The following FAN1 variants were observed in gnomAD, a reference collection of about 807,000 sequenced individuals.
FAN1 encodes fanconi-associated nuclease 1.
FAN1 carries 91 observed loss-of-function variants against 104.9 expected under a neutral mutation model. The ratio of observed to expected loss-of-function variants is 0.87; its 90% confidence interval spans 0.73 to 1.03. The LOEUF is 1.03. Among genes scored for constraint, FAN1 ranks in the 50% least tolerant of loss-of-function variants. The pLI is 0.00. For missense variants in FAN1, 1,263 were observed against 1,239.9 expected (o/e 1.02, Z -0.28); for synonymous variants, 478 against 457.6 (o/e 1.04, Z -0.57).
rs769166292 is a variant in FAN1 at position 30,941,793 on chromosome 15, T to C, written c.*231T>C. 5.0e-6 allele frequency: 8 copies of C among 1,614,040 alleles called. No homozygotes were observed. The East Asian group carries it at 1.3e-4, about 27-fold the overall frequency. On this transcript the variant is annotated 3_prime_UTR_variant, in exon 15 of 15. Transcript: ENST00000362065. ...AAGGCTGTGATGGAGCCACCCAGGC[T>C]GATCTGGGCCTCGGGAACCCAGCGG...
chr15:30,906,100 C>T (rs966023366), intron 2 of FAN1, among the ~76,000 whole-genome samples: 10 of 151,992 alleles, frequency 6.6e-5, no homozygotes, highest in South Asian at 2.1e-4. Flanking sequence ...GATTTTGTCC[C>T]GGGTGATGTT....
At chr15:30,929,455 G>T in intron 12 of FAN1, 58 bp downstream of exon 12, 1 of 1,376,274 alleles carries the variant, frequency 7.3e-7, no homozygotes, top group Non-Finnish European at 9.9e-7. Flanking sequence ...CCCCAGTGCT[G>T]TCTTTTCAGC....
chr15:30,925,190 CTG>C lies in FAN1; in HGVS notation c.2238_2239del (p.Tyr747SerfsTer13). 3.1e-6 allele frequency: 5 copies of C among 1,614,080 alleles called. No individual in the cohort carries two copies. Among genetic ancestry groups the C allele is most frequent in the Non-Finnish European group, 4.2e-6 (5 of 1,180,018 alleles). On this transcript the variant is annotated frameshift_variant, in exon 9 of 15. Transcript: ENST00000362065. LOFTEE classifies it high-confidence loss of function. ...AGTCAGAACGGGACACCGCCTTTCA[CTG>C]TATCAGCGAGCCGTGCGCCTGCGAG... ...PEVRTGHRLSLYQRAVRLRES... is the reference protein window; with the variant it reads ...PEVRTGHRLSXYQRAVRLRES...
chr15:30,935,766 C>T (rs1230428685), intron 13 of FAN1, among the ~76,000 whole-genome samples: 1 of 152,132 alleles, frequency 6.6e-6, no homozygotes, highest in Admixed American at 6.5e-5. Flanking sequence ...TTTATGTTGA[C>T]AGTTATTTTT....
intron 3 of FAN1, 22 bp downstream of exon 3, chr15:30,908,280 G>T: frequency 6.4e-7 from 1 of 1,552,818 alleles, no homozygotes; most frequent in Non-Finnish European, 8.7e-7. Flanking sequence ...AGAAGGAGAT[G>T]TGAAATGAAA....
intron 13 of FAN1, among the ~76,000 whole-genome samples, chr15:30,932,698 T>C (rs2062744418): frequency 6.7e-6 from 1 of 149,264 alleles, no homozygotes; most frequent in African/African-American, 2.5e-5. Flanking sequence ...CTTAAAGTTG[T>C]TTATATTTGT....
intron 6 of FAN1, among the ~76,000 whole-genome samples, chr15:30,920,324 G>A (rs974635459): frequency 2.6e-5 from 4 of 152,212 alleles, no homozygotes; most frequent in Admixed American, 6.5e-5. Context: ...CCTTGGTTTA[G>A]AATGATGAGT....
Position 30,939,331 on chromosome 15 carries a change from C to T in FAN1, c.*3+2072C>T, listed in dbSNP as rs912719042. The stretch of plus-strand genomic sequence containing the variant: ...GTGCGGCATTCCCTCAGCACGGGCT[C>T]TGCTGGCGGGCAGCAGGGGTGCTGA... On this transcript the variant is annotated intron_variant, in intron 14 of 14. Transcript: ENST00000362065. The T allele has an allele frequency of 1.1e-5, 11 of 985,374 alleles. No homozygotes were observed. In the African/African-American group the frequency reaches 1.9e-4, roughly 17 times the overall value. 61.0% of individuals were successfully genotyped at this position (985,374 alleles called of 1,614,324 possible). A position where few individuals can be genotyped will look rare whatever the true frequency, so the allele number is the denominator to read the frequency against.
At position 30,930,779 on chromosome 15, in the gene FAN1, G is replaced by C. The variant is rs1308680210; in HGVS notation, c.2916+108G>C. The C allele has an allele frequency of 6.4e-6, 9 of 1,401,732 alleles. No homozygotes were observed. The East Asian group carries it at 2.1e-4, about 32-fold the overall frequency. 86.8% of individuals were successfully genotyped at this position (1,401,732 alleles called of 1,614,324 possible). On this transcript the variant is annotated intron_variant, in intron 13 of 14. Transcript: ENST00000362065. The stretch of plus-strand genomic sequence containing the variant: ...GGCTGTTGGCAAGATTGAATTCCTT[G>C]AGAGCTTTTGGGCCGAGGGCCTGGG...
intron 13 of FAN1, among the ~76,000 whole-genome samples, chr15:30,935,408 CT>C (rs2140967424): frequency 6.6e-6 from 1 of 152,206 alleles, no homozygotes; most frequent in East Asian, 1.9e-4. Context: ...GTTTCTGCTT[CT>C]GTAGATGCAA....
At chr15:30,908,405 A>G in intron 3 of FAN1, 147 bp downstream of exon 3, 1 of 610,606 alleles carries the variant, frequency 1.6e-6, no homozygotes, top group Non-Finnish European at 2.7e-6. Context: ...ATCTTAGGAC[A>G]ACAAATTACT....
At chr15:30,904,382 G>C in intron 1 of FAN1, 130 bp from the exon 2 acceptor site, 1 of 529,802 alleles carries the variant, frequency 1.9e-6, no homozygotes, top group Admixed American at 3.3e-5. Flanking sequence ...GGAGGGGCTT[G>C]GTCTTCTGTC....
intron 14 of FAN1, chr15:30,940,112 T>TATC (rs1168074315): frequency 6.1e-6 from 6 of 985,228 alleles, no homozygotes; most frequent in African/African-American, 3.5e-5. Flanking sequence ...AAATTTTCCA[T>TATC]ATCTTAGGAT....
intron 8 of FAN1, among the ~76,000 whole-genome samples, chr15:30,923,664 C>T (rs534737746): frequency 3.9e-4 from 60 of 152,358 alleles, no homozygotes; most frequent in African/African-American, 1.4e-3. Flanking sequence ...CCTCCCTCTC[C>T]GAGGCCAGGC....
chr15:30,931,630 T>G (rs2062712360), intron 13 of FAN1, among the ~76,000 whole-genome samples: 1 of 152,230 alleles, frequency 6.6e-6, no homozygotes, highest in South Asian at 2.1e-4. Flanking sequence ...GGAATTCATT[T>G]GTGGTGTGTG....
In FAN1 at chr15:30,904,973, C is replaced by T. The variant is rs759195513; in HGVS notation, c.310C>T (p.Pro104Ser). The change falls in exon 2 of 15, where the codon CCA (proline) becomes TCA (serine). Residue 104 changes from proline to serine, a missense_variant. Physicochemically the swap from Pro to Ser is moderately conservative, Grantham distance 74 (BLOSUM62 -1). Coordinates refer to ENST00000362065, the MANE Select transcript of FAN1 (RefSeq NM_014967.5). ...LEDVTPKKSP[P>S]PKTNLTPGQS... is the part of the protein sequence containing the mutation. The stretch of plus-strand genomic sequence containing the variant: ...AGATGTAACACCTAAGAAGTCACCA[C>T]CACCAAAGACAAATTTAACCCCTGG... 5.6e-6 allele frequency: 9 copies of T among 1,613,912 alleles called. No homozygotes were observed. The highest frequency in any genetic ancestry group is 1.6e-4 in the Middle Eastern group (1 of 6,062).
At chr15:30,925,436 C>A in intron 9 of FAN1, 145 bp downstream of exon 9, 1 of 809,338 alleles carries the variant, frequency 1.2e-6, no homozygotes, top group African/African-American at 1.7e-5. Flanking sequence ...GCTGTGTGGC[C>A]ATTGCTCCCA....
chr15:30,940,223 T>A, intron 14 of FAN1: 1 of 985,316 alleles, frequency 1.0e-6, no homozygotes, highest in Non-Finnish European at 1.2e-6. Flanking sequence ...GTAAGAAGCT[T>A]CAGCTTTGAC....
chr15:30,933,927 AT>A (rs953388891), intron 13 of FAN1, among the ~76,000 whole-genome samples: 11 of 151,506 alleles, frequency 7.3e-5, no homozygotes, highest in African/African-American at 2.7e-4. Context: ...TGCCCAGCTG[AT>A]TTTTTTTATT....
Sources: allele counts gnomAD v4.1 joint callset (sites outside exome capture counted in the v4.1 genomes callset), GRCh38; gene constraint gnomAD v4.1.1; transcripts MANE v1.5; gene names NCBI Gene and HGNC (gene_info 2026-07-23, HGNC 2026-07-21).